RPS6KC1: variants seen among roughly 807,000 people sequenced by gnomAD.
RPS6KC1 encodes ribosomal protein S6 kinase C1.
In RPS6KC1, 54 loss-of-function variants were observed where a neutral mutation model predicts 103.8. The ratio of observed to expected loss-of-function variants is 0.52; its 90% CI spans 0.42 to 0.65. The LOEUF is 0.65. RPS6KC1 is among the 30% of genes least tolerant of loss of function. The probability of loss-of-function intolerance (pLI) is 0.00; values close to 1 mark genes in which losing one functional copy is unlikely to be tolerated. For synonymous variants in RPS6KC1, 439 were observed against 438.7 expected, an observed-to-expected ratio of 1.00 and a Z score of -0.01; for missense variants, 1,151 against 1,253.8, an observed-to-expected ratio of 0.92 and a Z score of 1.24.
chr1:213,352,954 A>ATGGGGAG, the RPS6KC1 span, among the ~76,000 whole-genome samples: 1 of 152,236 alleles, frequency 6.6e-6, no homozygotes, highest in Non-Finnish European at 1.5e-5. Context: ...TTTGCTGAGC[A>ATGGGGAG]CCCTTCAAGA....
At chr1:213,447,694 T>C in the RPS6KC1 span, among the ~76,000 whole-genome samples, 1 of 152,168 alleles carries the variant, frequency 6.6e-6, no homozygotes, top group Admixed American at 6.5e-5. Flanking sequence ...TCAGGTAGGG[T>C]GGGCCCTACT....
chr1:213,813,015 G>C, the RPS6KC1 span, among the ~76,000 whole-genome samples: 14 of 152,102 alleles, frequency 9.2e-5, no homozygotes, highest in African/African-American at 3.4e-4. Context: ...CACTTTGGGA[G>C]GCTGAGAAGG....
chr1:213,728,481 C>T, the RPS6KC1 span, among the ~76,000 whole-genome samples: 2 of 152,136 alleles, frequency 1.3e-5, no homozygotes, highest in African/African-American at 2.4e-5. Context: ...TTTATAAAGA[C>T]TCATTTAACG....
chr1:213,547,689 G>A, the RPS6KC1 span, among the ~76,000 whole-genome samples: 1 of 152,126 alleles, frequency 6.6e-6, no homozygotes, highest in Admixed American at 6.5e-5. Flanking sequence ...GTTCCCTCAA[G>A]ATCCAATTGT....
chr1:213,156,703 A>G (rs1184269930), intron 6 of RPS6KC1, among the ~76,000 whole-genome samples: 4 of 152,218 alleles, frequency 2.6e-5, no homozygotes, highest in Non-Finnish European at 4.4e-5. Context: ...AGTAGAGAAA[A>G]AGGTGGAAAA....
At chr1:213,624,796 A>G in the RPS6KC1 span, among the ~76,000 whole-genome samples, 9 of 152,242 alleles carry the variant, frequency 5.9e-5, no homozygotes, top group Non-Finnish European at 1.2e-4. Context: ...GGTCTCTTTT[A>G]TAAGGGCACT....
the RPS6KC1 span, among the ~76,000 whole-genome samples, chr1:213,792,361 G>A: frequency 2.6e-5 from 4 of 152,082 alleles, no homozygotes; most frequent in Non-Finnish European, 4.4e-5. Context: ...TCTTCCTGTC[G>A]GTCACTGTCA....
At chr1:213,179,185 C>T (rs565813944) in intron 8 of RPS6KC1, among the ~76,000 whole-genome samples, 12 of 152,064 alleles carry the variant, frequency 7.9e-5, no homozygotes, top group Non-Finnish European at 1.8e-4. Flanking sequence ...GAGGCCGAGG[C>T]GGGCAGATCA....
At chr1:213,575,727 C>T in the RPS6KC1 span, among the ~76,000 whole-genome samples, 8 of 152,056 alleles carry the variant, frequency 5.3e-5, no homozygotes, top group African/African-American at 9.7e-5. Flanking sequence ...AGTCATACAC[C>T]GGGAAATGAC....
At chr1:213,759,313 T>G in the RPS6KC1 span, among the ~76,000 whole-genome samples, 4 of 152,242 alleles carry the variant, frequency 2.6e-5, no homozygotes, top group Non-Finnish European at 5.9e-5. Flanking sequence ...GACTACAGTA[T>G]AGTATAAATA....
At chr1:213,732,327 C>T in the RPS6KC1 span, among the ~76,000 whole-genome samples, 3 of 146,732 alleles carry the variant, frequency 2.0e-5, no homozygotes, top group African/African-American at 7.6e-5. Flanking sequence ...AAAGATTTAG[C>T]CTGAATGGTA....
chr1:213,142,666 C>T (rs1244159491), intron 6 of RPS6KC1, among the ~76,000 whole-genome samples: 9 of 151,930 alleles, frequency 5.9e-5, no homozygotes, highest in Admixed American at 5.3e-4. Flanking sequence ...CGGTAGATGG[C>T]GATTAAGCAA....
the RPS6KC1 span, among the ~76,000 whole-genome samples, chr1:213,517,145 T>C: frequency 6.6e-6 from 1 of 152,130 alleles, no homozygotes; most frequent in South Asian, 2.1e-4. Flanking sequence ...TTGCTAGTAG[T>C]CTATCAATTT....
At chr1:213,493,863 A>C in the RPS6KC1 span, among the ~76,000 whole-genome samples, 2 of 150,682 alleles carry the variant, frequency 1.3e-5, no homozygotes, top group African/African-American at 4.8e-5. Context: ...AAATCATGGC[A>C]TGCCATGTCC....
chr1:213,105,216 G>GTTTT (rs79795539), intron 4 of RPS6KC1, among the ~76,000 whole-genome samples: 1 of 131,174 alleles, frequency 7.6e-6, no homozygotes, highest in Admixed American at 7.6e-5. Context: ...TTCATTTTAA[G>GTTTT]TTTTTTTTTT....
At chr1:213,336,792 CCT>C in the RPS6KC1 span, among the ~76,000 whole-genome samples, 1 of 152,162 alleles carries the variant, frequency 6.6e-6, no homozygotes, top group Non-Finnish European at 1.5e-5. Context: ...CAAATCCAGA[CCT>C]CTGTTCTTTG....
At chr1:213,733,520 A>G in the RPS6KC1 span, among the ~76,000 whole-genome samples, 1 of 147,838 alleles carries the variant, frequency 6.8e-6, no homozygotes, top group African/African-American at 2.5e-5. Flanking sequence ...TGCAGGCGTG[A>G]GCCACTACAC....
At chr1:213,601,483 A>G in the RPS6KC1 span, among the ~76,000 whole-genome samples, 9 of 148,692 alleles carry the variant, frequency 6.1e-5, no homozygotes, top group Admixed American at 6.1e-4. Context: ...ATATTAAACT[A>G]TAGAAAATAT....
intron 4 of RPS6KC1, among the ~76,000 whole-genome samples, chr1:213,116,987 T>A (rs943746199): frequency 2.0e-5 from 3 of 152,132 alleles, no homozygotes; most frequent in Non-Finnish European, 4.4e-5. Context: ...CTCTTAACAT[T>A]TTTTGAATTT....
Sources: gnomAD v4.1 joint callset for allele counts (sites outside exome capture counted in the v4.1 genomes callset) on GRCh38, gnomAD v4.1.1 for gene constraint, MANE v1.5 for transcripts, NCBI Gene and HGNC (gene_info 2026-07-23, HGNC 2026-07-21) for gene names.